Variants in LEF1 observed in about 807,000 individuals in gnomAD.
LEF1 encodes the protein lymphoid enhancer-binding factor 1.
LEF1 carries 14 observed loss-of-function variants against 51.2 expected under a neutral mutation model. That is an observed-to-expected ratio of 0.27 (90% CI 0.18 to 0.43). The LOEUF (loss-of-function observed/expected upper bound fraction) is 0.43, where lower values mean the gene tolerates loss of function less well. LEF1 is among the 20% of genes least tolerant of loss of function. The probability of loss-of-function intolerance (pLI) is 1.00; values close to 1 mark genes in which losing one functional copy is unlikely to be tolerated. For missense variants in LEF1, 386 were observed against 512.0 expected (o/e 0.75, Z 2.37); for synonymous variants, 185 against 183.2 (o/e 1.01, Z -0.08).
chr4:108,082,437 A>C (rs1470191366), intron 5 of LEF1, among the ~76,000 whole-genome samples: 3 of 152,200 alleles, frequency 2.0e-5, no homozygotes, highest in African/African-American at 7.2e-5. Context: ...AGAGAAAAAG[A>C]GAGAAAGCTG....
intron 3 of LEF1, among the ~76,000 whole-genome samples, chr4:108,120,759 C>T (rs1407685532): frequency 1.3e-5 from 2 of 152,200 alleles, no homozygotes; most frequent in Non-Finnish European, 2.9e-5. Context: ...ACCACAATCA[C>T]ATTTGTCAAT....
At chr4:108,119,412 AT>A (rs1742030163) in intron 3 of LEF1, among the ~76,000 whole-genome samples, 1 of 152,008 alleles carries the variant, frequency 6.6e-6, no homozygotes, top group African/African-American at 2.4e-5. Context: ...CATTCAAGAA[AT>A]TTCTGAGTCC....
At chr4:108,143,926 A>G (rs2110378806) in intron 3 of LEF1, among the ~76,000 whole-genome samples, 1 of 152,076 alleles carries the variant, frequency 6.6e-6, no homozygotes, top group South Asian at 2.1e-4. Flanking sequence ...TACACAGGAG[A>G]CTCGTTATAT....
At chr4:108,106,286 A>T (rs998017180) in intron 3 of LEF1, among the ~76,000 whole-genome samples, 5 of 152,230 alleles carry the variant, frequency 3.3e-5, no homozygotes, top group African/African-American at 9.6e-5. Context: ...TAAGACATAT[A>T]TGCAAACACC....
intron 7 of LEF1, among the ~76,000 whole-genome samples, chr4:108,078,628 G>C (rs1196310858): frequency 6.6e-6 from 1 of 152,130 alleles, no homozygotes; most frequent in African/African-American, 2.4e-5. Flanking sequence ...CCTTTGGTTT[G>C]AGAAAGTGGA....
intron 3 of LEF1, among the ~76,000 whole-genome samples, chr4:108,130,458 G>A (rs1432761847): frequency 1.3e-5 from 2 of 151,798 alleles, no homozygotes; most frequent in African/African-American, 2.4e-5. Context: ...GGTGGCTCAT[G>A]CCTGCAATCC....
chr4:108,126,871 G>A (rs1313754803), intron 3 of LEF1, among the ~76,000 whole-genome samples: 1 of 45,266 alleles, frequency 2.2e-5, no homozygotes, highest in Non-Finnish European at 5.8e-5. Context: ...TTACTGATAT[G>A]TGTGTGTGTG....
At chr4:108,065,142 C>G (rs1427070410) in intron 9 of LEF1, among the ~76,000 whole-genome samples, 1 of 152,198 alleles carries the variant, frequency 6.6e-6, no homozygotes, top group Non-Finnish European at 1.5e-5. Flanking sequence ...GCTTAGATCC[C>G]ACTTACAGTG....
chr4:108,099,564 G>GTGTATATATATA lies in LEF1; in HGVS notation c.415-10308_415-10307insTATATATATACA, dbSNP rs796692179. ...TATATGTGTGTGTGTGTATGTGTGT[G>GTGTATATATATA]TGTGTGTATATATATATATATATAT... On this transcript the variant is annotated intron_variant, in intron 3 of 11. Transcript: ENST00000265165. Among the ~76,000 whole-genome samples the GTGTATATATATA allele has an allele frequency of 3.9e-4, 23 of 59,314 alleles. 1 individual carries two copies. The highest frequency in any genetic ancestry group is 1.8e-3 in the East Asian group (4 of 2,204). 38.9% of individuals were successfully genotyped at this position (59,314 alleles called of 152,430 possible). A position where few individuals can be genotyped will look rare whatever the true frequency, so the allele number is the denominator to read the frequency against.
chr4:108,114,926 C>T (rs1741743155), intron 3 of LEF1, among the ~76,000 whole-genome samples: 1 of 152,220 alleles, frequency 6.6e-6, no homozygotes, highest in Non-Finnish European at 1.5e-5. Context: ...ACTTATGGGG[C>T]TCGAGGAGGG....
intron 3 of LEF1, among the ~76,000 whole-genome samples, chr4:108,132,659 CT>C (rs749911957): frequency 0.025 from 1,167 of 47,308 alleles, 11 homozygotes; most frequent in African/African-American, 0.083. Context: ...GAAAATCTGC[CT>C]TTTTTTTTTT....
chr4:108,148,091 GAC>G (rs1419646170), intron 3 of LEF1, among the ~76,000 whole-genome samples: 1 of 152,132 alleles, frequency 6.6e-6, no homozygotes, highest in Non-Finnish European at 1.5e-5. Context: ...AATAAACAGT[GAC>G]ACAGTACCAA....
intron 3 of LEF1, among the ~76,000 whole-genome samples, chr4:108,107,507 A>AT (rs11405123): frequency 0.57 from 86,124 of 150,858 alleles, 25,011 homozygotes; most frequent in Middle Eastern, 0.72. Context: ...GGCTTATTTT[A>AT]TTTTTTTTAA....
intron 3 of LEF1, among the ~76,000 whole-genome samples, chr4:108,121,284 T>C (rs1742165939): frequency 6.6e-6 from 1 of 152,200 alleles, no homozygotes; most frequent in African/African-American, 2.4e-5. Flanking sequence ...CCCAGCATTG[T>C]TTTCATACAA....
At chr4:108,051,916 C>T (rs974907168) in intron 11 of LEF1, among the ~76,000 whole-genome samples, 7 of 152,124 alleles carry the variant, frequency 4.6e-5, no homozygotes, top group Non-Finnish European at 1.0e-4. Flanking sequence ...CGACCCTGGG[C>T]CAATAGGGCT....
intron 4 of LEF1, among the ~76,000 whole-genome samples, chr4:108,083,674 A>G (rs1443660019): frequency 6.6e-6 from 1 of 152,236 alleles, no homozygotes; most frequent in African/African-American, 2.4e-5. Context: ...AGGAGTAAAG[A>G]TGCTGCTAGT....
chr4:108,166,592 C>CG, intron 1 of LEF1: 1 of 1,125,502 alleles, frequency 8.9e-7, no homozygotes, highest in Non-Finnish European at 1.1e-6. Context: ...AGCCCTCCAG[C>CG]GCGGCCCTGC....
rs1560784246 is a variant in LEF1 at position 108,092,933 on chromosome 4, A to AC, written c.415-3677_415-3676insG. On this transcript the variant is annotated intron_variant, in intron 3 of 11. Coordinates refer to ENST00000265165, the MANE Select transcript of LEF1 (RefSeq NM_016269.5). Reference sequence around the variant, plus strand: ...ATGAATATGTAAAAAAAAAAAAAAAAAAAAAAAAAAAAAAAAGACAAGCAA... The same window carrying AC: ...ATGAATATGTAAAAAAAAAAAAAAAACAAAAAAAAAAAAAAAAGACAAGCAA... Among the ~76,000 whole-genome samples the AC allele has an allele frequency of 1.6e-4, 24 of 147,412 alleles. 2 individuals are homozygous for AC. In the South Asian group the frequency reaches 2.5e-3, roughly 15 times the overall value.
At chr4:108,086,829 T>TACACACACACACACACACACACAC (rs139231288) in intron 4 of LEF1, among the ~76,000 whole-genome samples, 2,547 of 149,378 alleles carry the variant, frequency 0.017, 42 homozygotes, top group East Asian at 0.048. Flanking sequence ...CACACACACT[T>TACACACACACACACACACACACAC]ACACACACAC....
Sources: gnomAD v4.1 joint callset for allele counts (sites outside exome capture counted in the v4.1 genomes callset) on GRCh38, gnomAD v4.1.1 for gene constraint, MANE v1.5 for transcripts, NCBI Gene and HGNC (gene_info 2026-07-23, HGNC 2026-07-21) for gene names.